Variants in KCNIP4 observed in about 807,000 individuals in gnomAD.
KCNIP4 encodes the protein potassium voltage-gated channel interacting protein 4.
A neutral mutation model predicts 34.0 loss-of-function variants in KCNIP4; 12 were observed. The ratio of observed to expected loss-of-function variants is 0.35; its 90% CI spans 0.23 to 0.57. KCNIP4 has a LOEUF of 0.57. KCNIP4 is among the 20% of genes least tolerant of loss of function. The probability of loss-of-function intolerance (pLI) is 0.83; values close to 1 mark genes in which losing one functional copy is unlikely to be tolerated. For missense variants in KCNIP4, 238 were observed against 311.7 expected (o/e 0.76, Z 1.78); for synonymous variants, 124 against 102.2 (o/e 1.21, Z -1.29).
At chr4:21,677,628 C>G (rs187007776) in intron 1 of KCNIP4, among the ~76,000 whole-genome samples, 1 of 152,304 alleles carries the variant, frequency 6.6e-6, no homozygotes, top group East Asian at 1.9e-4. Flanking sequence ...AATGCCATGA[C>G]CCCTCCCTGA....
At chr4:21,615,203 A>C (rs1255010163) in intron 1 of KCNIP4, among the ~76,000 whole-genome samples, 1 of 152,120 alleles carries the variant, frequency 6.6e-6, no homozygotes, top group Non-Finnish European at 1.5e-5. Flanking sequence ...AAAAGAAAAA[A>C]ATAATGATTA....
At chr4:20,842,761 G>C (rs368888418) in intron 3 of KCNIP4, among the ~76,000 whole-genome samples, 5 of 152,156 alleles carry the variant, frequency 3.3e-5, no homozygotes, top group African/African-American at 1.2e-4. Flanking sequence ...AGAGGTGACA[G>C]TGACAGCAGC....
intron 1 of KCNIP4, among the ~76,000 whole-genome samples, chr4:21,398,139 A>G (rs578097462): frequency 6.6e-6 from 1 of 152,312 alleles, no homozygotes; most frequent in African/African-American, 2.4e-5. Flanking sequence ...AAGTCTGGGT[A>G]AGTCTATTCA....
intron 1 of KCNIP4, among the ~76,000 whole-genome samples, chr4:21,512,631 C>T (rs933507110): frequency 1.3e-5 from 2 of 152,178 alleles, no homozygotes; most frequent in African/African-American, 4.8e-5. Context: ...AACACATATA[C>T]ATGAGAATCA....
At chr4:20,850,356 C>T in intron 3 of KCNIP4, 187 bp downstream of exon 3, 1 of 567,442 alleles carries the variant, frequency 1.8e-6, no homozygotes, top group Non-Finnish European at 3.1e-6. Context: ...CACAGTATGC[C>T]AGCATGGGTG....
At chr4:20,913,089 A>G (rs1023219095) in intron 1 of KCNIP4, among the ~76,000 whole-genome samples, 6 of 152,202 alleles carry the variant, frequency 3.9e-5, no homozygotes, top group Non-Finnish European at 8.8e-5. Context: ...AAATGTTCAC[A>G]GCAGCATTAT....
intron 1 of KCNIP4, among the ~76,000 whole-genome samples, chr4:21,382,030 G>A (rs540486426): frequency 6.6e-6 from 1 of 152,332 alleles, no homozygotes; most frequent in South Asian, 2.1e-4. Flanking sequence ...GTTGAGGAAA[G>A]GGGAAACATT....
At chr4:20,862,017 G>A (rs958390766) in intron 2 of KCNIP4, among the ~76,000 whole-genome samples, 2 of 139,790 alleles carry the variant, frequency 1.4e-5, no homozygotes, top group African/African-American at 5.6e-5. Context: ...TTGAGATGGA[G>A]TCTTACTCTG....
At chr4:21,403,301 C>T (rs1258241459) in intron 1 of KCNIP4, among the ~76,000 whole-genome samples, 1 of 152,218 alleles carries the variant, frequency 6.6e-6, no homozygotes, top group African/African-American at 2.4e-5. Context: ...ATTATATTGG[C>T]TATATTTGAA....
At chr4:21,029,971 TA>T (rs1389695829) in intron 1 of KCNIP4, among the ~76,000 whole-genome samples, 1 of 152,176 alleles carries the variant, frequency 6.6e-6, no homozygotes, top group Non-Finnish European at 1.5e-5. Flanking sequence ...GTTCTCTTGA[TA>T]AAAACAAAAC....
intron 1 of KCNIP4, among the ~76,000 whole-genome samples, chr4:21,141,860 TAAC>T (rs75223042): frequency 1.4e-5 from 2 of 147,034 alleles, no homozygotes; most frequent in Non-Finnish European, 3.0e-5. Context: ...CAACAGAAAA[TAAC>T]AACAAAAAAA....
rs936158020 is a variant in KCNIP4 at position 21,925,714 on chromosome 4, C to T, written c.61+22857G>A. 7.9e-5 allele frequency among the ~76,000 whole-genome samples: 12 copies of T among 152,084 alleles called. No homozygotes were observed. The South Asian group carries it at 8.3e-4, about 11-fold the overall frequency. On this transcript the variant is annotated intron_variant, in intron 1 of 8. Transcript: ENST00000382152. ...TAGATTCCTCTGATGCAGTCTTTAACGACAACCATGAACTTTCTTTGGTAA... is the reference window on the plus strand; with the variant it reads ...TAGATTCCTCTGATGCAGTCTTTAATGACAACCATGAACTTTCTTTGGTAA...
intron 1 of KCNIP4, among the ~76,000 whole-genome samples, chr4:21,133,831 C>T (rs1336916254): frequency 6.6e-6 from 1 of 152,134 alleles, no homozygotes; most frequent in Non-Finnish European, 1.5e-5. Flanking sequence ...CACCAACTTT[C>T]AAAGAAGGAA....
At chr4:21,427,419 A>C (rs1726028691) in intron 1 of KCNIP4, among the ~76,000 whole-genome samples, 1 of 152,054 alleles carries the variant, frequency 6.6e-6, no homozygotes, top group African/African-American at 2.4e-5. Flanking sequence ...TAATTAAAAA[A>C]GGGACCATAC....
intron 3 of KCNIP4, among the ~76,000 whole-genome samples, chr4:20,817,725 A>T (rs746122881): frequency 1.3e-5 from 2 of 148,868 alleles, no homozygotes; most frequent in Non-Finnish European, 3.0e-5. Context: ...TTACTGAGTG[A>T]CTGAATAAAT....
intron 1 of KCNIP4, among the ~76,000 whole-genome samples, chr4:21,802,856 C>A (rs1578009871): frequency 6.6e-6 from 1 of 152,164 alleles, no homozygotes; most frequent in Admixed American, 6.5e-5. Flanking sequence ...AACTTTCATT[C>A]CCAGAAAACA....
At chr4:21,551,315 T>C (rs1347254263) in intron 1 of KCNIP4, among the ~76,000 whole-genome samples, 3 of 152,232 alleles carry the variant, frequency 2.0e-5, no homozygotes, top group Non-Finnish European at 4.4e-5. Flanking sequence ...AGATATCTAA[T>C]TGGAATTCTT....
At chr4:21,156,352 G>T (rs1486979313) in intron 1 of KCNIP4, among the ~76,000 whole-genome samples, 1 of 152,106 alleles carries the variant, frequency 6.6e-6, no homozygotes, top group Non-Finnish European at 1.5e-5. Context: ...TAGCTTCAGG[G>T]CTAAAATGGT....
At chr4:20,764,472 A>G (rs924137563) in intron 3 of KCNIP4, among the ~76,000 whole-genome samples, 1 of 152,052 alleles carries the variant, frequency 6.6e-6, no homozygotes, top group Non-Finnish European at 1.5e-5. Context: ...TATTCTATGC[A>G]TCCTTCTGTG....
Sources: allele counts gnomAD v4.1 joint callset (sites outside exome capture counted in the v4.1 genomes callset), GRCh38; gene constraint gnomAD v4.1.1; transcripts MANE v1.5; gene names NCBI Gene and HGNC (gene_info 2026-07-23, HGNC 2026-07-21).